SLC13A1: variants seen among roughly 807,000 people sequenced by gnomAD.
The protein encoded by SLC13A1 is solute carrier family 13 member 1, also known as Na(+)/sulfate cotransporter.
SLC13A1 carries 65 observed loss-of-function variants against 70.0 expected under a neutral mutation model. That is an observed-to-expected ratio of 0.93 (90% CI 0.76 to 1.14). The LOEUF (loss-of-function observed/expected upper bound fraction) is 1.14. Ranked by LOEUF, SLC13A1 falls within the 50% of genes most tolerant of loss-of-function variation. The pLI is 0.00. For synonymous variants in SLC13A1, 275 were observed against 250.5 expected, an observed-to-expected ratio of 1.10 and a Z score of -0.92; for missense variants, 726 against 717.8, an observed-to-expected ratio of 1.01 and a Z score of -0.13.
chr7:123,162,060 G>T (rs1222265940), intron 6 of SLC13A1, among the ~76,000 whole-genome samples: 3 of 146,594 alleles, frequency 2.0e-5, no homozygotes, highest in Admixed American at 6.9e-5. Context: ...ACCACTAGAA[G>T]ATGCATAGGA....
At chr7:123,117,139 C>A (rs1416839322) in intron 14 of SLC13A1, among the ~76,000 whole-genome samples, 1 of 151,898 alleles carries the variant, frequency 6.6e-6, no homozygotes, top group Non-Finnish European at 1.5e-5. Flanking sequence ...CCTATTTTTT[C>A]CTTTTGCCTG....
At chr7:123,199,670 G>T (rs1796289532) in intron 1 of SLC13A1, among the ~76,000 whole-genome samples, 178 bp downstream of exon 1, 1 of 151,978 alleles carries the variant, frequency 6.6e-6, no homozygotes, top group Non-Finnish European at 1.5e-5. Flanking sequence ...ATCAACCAAT[G>T]TTAATTATTA....
chr7:123,162,959 C>T (rs1794961515), intron 6 of SLC13A1, among the ~76,000 whole-genome samples: 1 of 152,038 alleles, frequency 6.6e-6, no homozygotes, highest in Non-Finnish European at 1.5e-5. Flanking sequence ...TCAGATTTTT[C>T]ATTAAAAGTA....
intron 6 of SLC13A1, among the ~76,000 whole-genome samples, chr7:123,162,506 C>G (rs1375830167): frequency 6.6e-6 from 1 of 152,032 alleles, no homozygotes; most frequent in African/African-American, 2.4e-5. Context: ...AAAAGGAAAC[C>G]CTAGGTTGAG....
intron 2 of SLC13A1, among the ~76,000 whole-genome samples, 189 bp downstream of exon 2, chr7:123,180,784 C>A (rs1795610858): frequency 6.6e-6 from 1 of 152,040 alleles, no homozygotes; most frequent in African/African-American, 2.4e-5. Flanking sequence ...CAAGAAGCTG[C>A]AGCTTGTGTT....
intron 1 of SLC13A1, among the ~76,000 whole-genome samples, chr7:123,182,671 C>G (rs1031722851): frequency 1.3e-5 from 2 of 152,050 alleles, no homozygotes; most frequent in Non-Finnish European, 2.9e-5. Flanking sequence ...TTCTGTTCAC[C>G]ATATACACCC....
rs1167197667 is a variant in SLC13A1 at position 123,114,074 on chromosome 7, A to G, written c.*1444T>C. 1 of 110,014 alleles carries G rather than the reference A, an allele frequency of 9.1e-6. No homozygotes were observed. Among genetic ancestry groups the G allele is most frequent in the African/African-American group, 3.6e-5 (1 of 27,970 alleles). The allele number at this position is 110,014 out of a possible 1,614,324, so 6.8% of individuals were successfully genotyped here. On this transcript the variant is annotated 3_prime_UTR_variant, in exon 15 of 15. Coordinates refer to ENST00000194130, the MANE Select transcript of SLC13A1 (RefSeq NM_022444.4). ...ACTCCAGCCTGGGCGACAGAGCGAG[A>G]CTCCGTCTCAAAAAAAAAAAAAAAA...
chr7:123,142,949 A>G (rs918729254), intron 7 of SLC13A1, among the ~76,000 whole-genome samples: 1 of 151,778 alleles, frequency 6.6e-6, no homozygotes, highest in African/African-American at 2.4e-5. Context: ...AGGTGATGCA[A>G]CCTCCCAGGC....
chr7:123,119,056 A>C, intron 13 of SLC13A1, 25 bp downstream of exon 13: 1 of 1,601,348 alleles, frequency 6.2e-7, no homozygotes, highest in Non-Finnish European at 8.5e-7. Context: ...ATGAAGAGTA[A>C]AAAGGGGATA....
chr7:123,172,465 A>G (rs1795308087), intron 2 of SLC13A1, among the ~76,000 whole-genome samples: 1 of 152,210 alleles, frequency 6.6e-6, no homozygotes, highest in Non-Finnish European at 1.5e-5. Flanking sequence ...TACCAAAAAT[A>G]CAAAATACTA....
rs932247202 is a variant in SLC13A1, at chr7:123,150,053, C to T, written c.661-2743G>A. 3.3e-5 allele frequency among the ~76,000 whole-genome samples: 5 copies of T among 152,312 alleles called. No homozygotes were observed. The South Asian group carries it at 1.0e-3, about 32-fold the overall frequency. ...AGCCAGCTACTGTTGTTAAAAATTACATGCACAGTAGAGCAGATGGGATCA... is the reference window on the plus strand; with the variant it reads ...AGCCAGCTACTGTTGTTAAAAATTATATGCACAGTAGAGCAGATGGGATCA... On this transcript the variant is annotated intron_variant, in intron 6 of 14. Transcript: ENST00000194130.
chr7:123,173,590 A>C (rs1585378165), intron 2 of SLC13A1, among the ~76,000 whole-genome samples: 1 of 152,084 alleles, frequency 6.6e-6, no homozygotes, highest in Admixed American at 6.6e-5. Context: ...TTTCTGTATC[A>C]TAGAGCCGTG....
chr7:123,185,140 T>G (rs1386860907), intron 1 of SLC13A1, among the ~76,000 whole-genome samples: 1 of 152,138 alleles, frequency 6.6e-6, no homozygotes, highest in Non-Finnish European at 1.5e-5. Flanking sequence ...TTATTTGCTT[T>G]CTTGCTATTG....
At chr7:123,125,971 A>G (rs917845530) in intron 10 of SLC13A1, among the ~76,000 whole-genome samples, 2 of 152,204 alleles carry the variant, frequency 1.3e-5, no homozygotes, top group African/African-American at 4.8e-5. Flanking sequence ...CCTTTTAGAT[A>G]AGCTTACAGA....
At chr7:123,165,746 G>T (rs1418995787) in intron 6 of SLC13A1, among the ~76,000 whole-genome samples, 1 of 152,020 alleles carries the variant, frequency 6.6e-6, no homozygotes, top group Non-Finnish European at 1.5e-5. Flanking sequence ...CTCATCTCTA[G>T]CATCTGCATT....
At chr7:123,145,312 A>G (rs536025558) in intron 7 of SLC13A1, among the ~76,000 whole-genome samples, 1 of 152,304 alleles carries the variant, frequency 6.6e-6, no homozygotes, top group African/African-American at 2.4e-5. Flanking sequence ...TGAAATCTGA[A>G]TTGAGGTCTA....
chr7:123,149,680 G>T (rs920885451), intron 6 of SLC13A1: 155 of 450,672 alleles, frequency 3.4e-4, no homozygotes, highest in African/African-American at 2.7e-3. Context: ...TTACTCAGGG[G>T]TAGAAAGAGT....
chr7:123,184,434 T>C (rs937786917), intron 1 of SLC13A1, among the ~76,000 whole-genome samples: 3 of 152,106 alleles, frequency 2.0e-5, no homozygotes, highest in African/African-American at 7.2e-5. Flanking sequence ...CCCCAGACCC[T>C]GGAAACCACA....
chr7:123,155,942 T>A (rs528819913), intron 6 of SLC13A1, among the ~76,000 whole-genome samples: 3 of 152,124 alleles, frequency 2.0e-5, no homozygotes, highest in African/African-American at 7.2e-5. Flanking sequence ...CTGGTTCTCC[T>A]TATCCCGTTT....
Sources: gnomAD v4.1 joint callset for allele counts (sites outside exome capture counted in the v4.1 genomes callset) on GRCh38, gnomAD v4.1.1 for gene constraint, MANE v1.5 for transcripts, NCBI Gene and HGNC (gene_info 2026-07-23, HGNC 2026-07-21) for gene names.